Variants in MAGI2 observed in about 807,000 individuals in gnomAD.
The protein encoded by MAGI2 is membrane associated guanylate kinase, WW and PDZ domain containing 2.
A neutral mutation model predicts 133.3 loss-of-function variants in MAGI2; 35 were observed. That is an observed-to-expected ratio of 0.26 (90% CI 0.20 to 0.35). The LOEUF (loss-of-function observed/expected upper bound fraction) is 0.35, where lower values mean the gene tolerates loss of function less well. MAGI2 is among the 10% of genes least tolerant of loss of function. The probability of loss-of-function intolerance (pLI) is 1.00; values close to 1 mark genes in which losing one functional copy is unlikely to be tolerated. For synonymous variants in MAGI2, 729 were observed against 710.6 expected, an observed-to-expected ratio of 1.03 and a Z score of -0.41; for missense variants, 1,636 against 1,863.4, an observed-to-expected ratio of 0.88 and a Z score of 2.25.
chr7:78,808,384 G>A (rs2151401050), intron 2 of MAGI2, among the ~76,000 whole-genome samples: 1 of 152,164 alleles, frequency 6.6e-6, no homozygotes, highest in Admixed American at 6.5e-5. Context: ...AGCCTCCCAA[G>A]TAGCTGGGAC....
chr7:78,974,205 A>C (rs920206136), intron 2 of MAGI2, among the ~76,000 whole-genome samples: 1 of 151,822 alleles, frequency 6.6e-6, no homozygotes, highest in Admixed American at 6.6e-5. Context: ...AGAAAAAAAA[A>C]ACAAAAACCC....
intron 20 of MAGI2, among the ~76,000 whole-genome samples, chr7:78,081,388 A>C (rs761104182): frequency 7.2e-5 from 11 of 152,234 alleles, no homozygotes; most frequent in Non-Finnish European, 1.5e-4. Flanking sequence ...CTAGTTGGGA[A>C]GAAAATGGGT....
At chr7:79,284,992 A>C (rs893617590) in intron 1 of MAGI2, among the ~76,000 whole-genome samples, 3 of 151,966 alleles carry the variant, frequency 2.0e-5, no homozygotes, top group African/African-American at 7.2e-5. Context: ...ATAATATAAG[A>C]TCTAACTGTG....
intron 1 of MAGI2, among the ~76,000 whole-genome samples, chr7:79,288,612 A>G (rs1836215920): frequency 6.6e-6 from 1 of 152,126 alleles, no homozygotes; most frequent in Non-Finnish European, 1.5e-5. Context: ...ATAAAATATC[A>G]TTTTACCAAC....
intron 1 of MAGI2, among the ~76,000 whole-genome samples, chr7:79,196,943 T>G (rs1287217602): frequency 6.6e-6 from 1 of 151,108 alleles, no homozygotes; most frequent in Non-Finnish European, 1.5e-5. Context: ...AATTTTTGAT[T>G]TTTTATATAT....
intron 2 of MAGI2, among the ~76,000 whole-genome samples, chr7:78,634,049 CACTTA>C (rs1184529560): frequency 2.6e-5 from 4 of 152,044 alleles, no homozygotes; most frequent in Non-Finnish European, 5.9e-5. Context: ...AGCTTTAAAT[CACTTA>C]ACTTCACTCA....
intron 6 of MAGI2, among the ~76,000 whole-genome samples, chr7:78,461,409 T>C (rs56686399): frequency 1.6e-5 from 2 of 128,982 alleles, no homozygotes; most frequent in Non-Finnish European, 3.4e-5. Context: ...TGTGTGTGTG[T>C]GTGTGTGTGT....
chr7:78,132,881 A>T lies in MAGI2; in HGVS notation c.3203+8T>A. 2 of 1,614,018 alleles carry T rather than the reference A, an allele frequency of 1.2e-6. No individual in the cohort carries two copies. Among genetic ancestry groups the T allele is most frequent in the Non-Finnish European group, 1.7e-6 (2 of 1,179,968 alleles). ...TCTCAGAATCACAAAAGTCAGAGGA[A>T]ATTTTACCTATTTTCGTGTCCTTGC... On this transcript the variant is annotated splice_region_variant and intron_variant, in intron 18 of 21. Coordinates refer to ENST00000354212, the MANE Select transcript of MAGI2 (RefSeq NM_012301.4).
intron 1 of MAGI2, among the ~76,000 whole-genome samples, chr7:79,438,797 C>G (rs530213602): frequency 6.6e-6 from 1 of 152,208 alleles, no homozygotes; most frequent in South Asian, 2.1e-4. Context: ...CTTCTCTCCT[C>G]CATAAGTGAG....
intron 1 of MAGI2, among the ~76,000 whole-genome samples, chr7:79,424,260 C>CT (rs11377165): frequency 0.24 from 35,276 of 147,066 alleles, 5,743 homozygotes; most frequent in African/African-American, 0.47. Flanking sequence ...TTTTTCTTTT[C>CT]TTTTTTTTTT....
At chr7:78,177,444 A>G (rs909891699) in intron 14 of MAGI2, among the ~76,000 whole-genome samples, 2 of 149,746 alleles carry the variant, frequency 1.3e-5, no homozygotes, top group African/African-American at 5.1e-5. Context: ...ACACACACAC[A>G]CAGACACACA....
At chr7:79,185,516 A>ATTTTTTTT (rs71095383) in intron 1 of MAGI2, among the ~76,000 whole-genome samples, 2 of 126,612 alleles carry the variant, frequency 1.6e-5, no homozygotes, top group African/African-American at 2.9e-5. Context: ...CAATTTGGTC[A>ATTTTTTTT]TTTTTTTTTT....
At chr7:79,338,081 G>GAA (rs147011003) in intron 1 of MAGI2, among the ~76,000 whole-genome samples, 6 of 150,996 alleles carry the variant, frequency 4.0e-5, no homozygotes, top group African/African-American at 1.2e-4. Flanking sequence ...CTTTAAAATA[G>GAA]AAAAAAAAAT....
At chr7:79,095,791 T>TC (rs1288208983) in intron 1 of MAGI2, among the ~76,000 whole-genome samples, 1 of 152,060 alleles carries the variant, frequency 6.6e-6, no homozygotes, top group African/African-American at 2.4e-5. Flanking sequence ...ATGAAAATAA[T>TC]AAAAAAGTTT....
At chr7:78,865,898 T>A (rs775917875) in intron 2 of MAGI2, among the ~76,000 whole-genome samples, 1 of 152,172 alleles carries the variant, frequency 6.6e-6, no homozygotes, top group Non-Finnish European at 1.5e-5. Context: ...AGGAGCAGTA[T>A]ACACTGGTGA....
At chr7:79,381,569 A>G (rs1843783035) in intron 1 of MAGI2, among the ~76,000 whole-genome samples, 1 of 151,766 alleles carries the variant, frequency 6.6e-6, no homozygotes. Flanking sequence ...TGCAATCTAA[A>G]TAATGGCCCA....
rs529009515 is a variant in MAGI2 at position 78,222,626 on chromosome 7, A to G, written c.2048-21433T>C. On this transcript the variant is annotated intron_variant, in intron 10 of 21. Coordinates refer to ENST00000354212, the MANE Select transcript of MAGI2 (RefSeq NM_012301.4). ...ATTGTTTGTTTTACTGCCCCCAAAC[A>G]CAGTAGGGTTTGAAAATGGCCAAGT... 6.6e-5 allele frequency among the ~76,000 whole-genome samples: 10 copies of G among 152,300 alleles called. No individual in the cohort carries two copies. In the South Asian group the frequency reaches 2.1e-3, roughly 32 times the overall value.
At chr7:78,224,535 G>A (rs989177380) in intron 10 of MAGI2, among the ~76,000 whole-genome samples, 37 of 152,120 alleles carry the variant, frequency 2.4e-4, no homozygotes, top group African/African-American at 8.4e-4. Context: ...GCATGGTGGC[G>A]TGTGCCTGTG....
Position 78,161,684 on chromosome 7 carries a change from AAAAG to A in MAGI2, c.2597-1415_2597-1412del, listed in dbSNP as rs1158413413. Among the ~76,000 whole-genome samples, 20 of 146,126 alleles carry A rather than the reference AAAAG, an allele frequency of 1.4e-4. 1 individual carries two copies. Among genetic ancestry groups the A allele is most frequent in the Middle Eastern group, 3.4e-3 (1 of 292 alleles). On this transcript the variant is annotated intron_variant, in intron 15 of 21. Transcript: ENST00000354212. The stretch of plus-strand genomic sequence containing the variant: ...TCGATACCTAAAAAAAAAAAAAAAA[AAAAG>A]AAAAAAAAAAAGCTGTATTTGTTTA...
Sources: gnomAD v4.1 joint callset for allele counts (sites outside exome capture counted in the v4.1 genomes callset) on GRCh38, gnomAD v4.1.1 for gene constraint, MANE v1.5 for transcripts, NCBI Gene and HGNC (gene_info 2026-07-23, HGNC 2026-07-21) for gene names.